CSF2RA: variants seen among roughly 807,000 people sequenced by gnomAD.
The protein encoded by CSF2RA is colony stimulating factor 2 receptor subunit alpha, also known as granulocyte-macrophage colony-stimulating factor receptor subunit alpha.
A neutral mutation model predicts 51.6 loss-of-function variants in CSF2RA; 42 were observed. The ratio of observed to expected loss-of-function variants is 0.81; its 90% CI spans 0.64 to 1.05. CSF2RA has a LOEUF of 1.05. Among genes scored for constraint, CSF2RA ranks in the 50% least tolerant of loss-of-function variants. The pLI, the probability that CSF2RA is intolerant of heterozygous loss-of-function variation, is 0.00. For synonymous variants in CSF2RA, 222 were observed against 193.0 expected (o/e 1.15, Z -1.24); for missense variants, 530 against 501.1 (o/e 1.06, Z -0.55).
chrX:1,316,277 G>C, the CSF2RA span, among the ~76,000 whole-genome samples: 3 of 144,358 alleles, frequency 2.1e-5, no homozygotes, highest in African/African-American at 8.1e-5. Context: ...TAGATAGATA[G>C]ATAGATAGAT....
At position 1,283,868 on chromosome X, in the gene CSF2RA, C is replaced by T. The variant is rs142326395; in HGVS notation, c.76+1089C>T. ...ACAGCTATGAGCCGCCACACCCAGC[C>T]TCTTGTTTGTTGACTTCTTAATAGC... On this transcript the variant is annotated intron_variant, in intron 3 of 12. Coordinates refer to ENST00000381529, the MANE Select transcript of CSF2RA (RefSeq NM_172245.4). Among the ~76,000 whole-genome samples the T allele has an allele frequency of 4.9e-4, 74 of 152,132 alleles. 1 individual carries two copies. The highest frequency in any genetic ancestry group is 1.8e-3 in the African/African-American group (73 of 41,530).
chrX:1,279,416 C>T (rs1414359807), intron 2 of CSF2RA, among the ~76,000 whole-genome samples: 1 of 151,896 alleles, frequency 6.6e-6, no homozygotes, highest in Non-Finnish European at 1.5e-5. Flanking sequence ...ATATCCCAAA[C>T]ATTTAGTGAC....
intron 12 of CSF2RA, chrX:1,305,965 C>T (rs1176911450): frequency 1.6e-6 from 1 of 618,694 alleles, no homozygotes; most frequent in Non-Finnish European, 2.8e-6. Context: ...GCCTGAAATC[C>T]CAGTGACTCG....
In CSF2RA at chrX:1,290,458, C is replaced by T. The variant is rs1395037247; in HGVS notation, c.595C>T (p.Arg199Ter). 1.7e-5 allele frequency: 27 copies of T among 1,613,688 alleles called. No individual in the cohort carries two copies. Among genetic ancestry groups the T allele is most frequent in the African/African-American group, 4.0e-5 (3 of 74,886 alleles). ...RNYFLVNGTS[R>*]EIGIQFFDSL... is the part of the protein sequence containing the mutation. ...TTACTTTCTGGTTAACGGAACCAGC[C>T]GAGAAATTGGCATCCAATTCTTTGA... The change falls in exon 7 of 13, where the codon CGA (arginine) becomes TGA (stop). Residue 199 changes from arginine (R) to a stop codon, truncating the protein, a stop_gained. Transcript: ENST00000381529. LOFTEE classifies it high-confidence loss of function.
At chrX:1,282,812 C>A in intron 3 of CSF2RA, 33 bp downstream of exon 3, 2 of 1,572,778 alleles carry the variant, frequency 1.3e-6, no homozygotes, top group Non-Finnish European at 1.7e-6. Context: ...ACCTTCTCCG[C>A]GGCCCCTGTT....
At chrX:1,295,029 G>C (rs2091799633) in intron 8 of CSF2RA, among the ~76,000 whole-genome samples, 1 of 149,130 alleles carries the variant, frequency 6.7e-6, no homozygotes, top group Non-Finnish European at 1.5e-5. Context: ...CAACCTCCTG[G>C]ACCCAGTGTA....
At chrX:1,269,651 TG>T (rs1569486213) in intron 1 of CSF2RA, among the ~76,000 whole-genome samples, 1 of 50,482 alleles carries the variant, frequency 2.0e-5, no homozygotes, top group Non-Finnish European at 4.7e-5. Context: ...AAAAAAGAGA[TG>T]AAAAGAGATG....
chrX:1,281,349 T>TTCCTCCTTCTCCTCC (rs1569495011), intron 2 of CSF2RA, among the ~76,000 whole-genome samples: 4 of 21,334 alleles, frequency 1.9e-4, no homozygotes, highest in Admixed American at 9.3e-4. Context: ...CCTTCTCCTC[T>TTCCTCCTTCTCCTCC]TCCTCCTTCT....
At chrX:1,311,174 G>A (rs760564697), downstream of CSF2RA, among the ~76,000 whole-genome samples, 119 of 151,818 alleles carry the variant, frequency 7.8e-4, no homozygotes, top group African/African-American at 2.5e-3. Context: ...GCTTGAACCC[G>A]GGAGGCGGAG....
At chrX:1,303,813 G>T (rs2083262887) in intron 10 of CSF2RA, 110 bp from the exon 11 acceptor site, 1 of 981,788 alleles carries the variant, frequency 1.0e-6, no homozygotes. Flanking sequence ...CCAGTTCTCA[G>T]CTTGACTGTT....
rs1197507186 is a variant in CSF2RA, at chrX:1,290,386, C to T, written c.523C>T (p.His175Tyr). 1 of 1,613,578 alleles carries T rather than the reference C, an allele frequency of 6.2e-7. No homozygotes were observed. The highest frequency in any genetic ancestry group is 2.2e-5 in the East Asian group (1 of 44,886). ...TTATTACATACAAGACTCAGGAACCCATGTGGGATGTCACCTGGATAACCT... is the reference window on the plus strand; with the variant it reads ...TTATTACATACAAGACTCAGGAACCTATGTGGGATGTCACCTGGATAACCT... Reference protein sequence around the residue: ...CPYYIQDSGTHVGCHLDNLSG... With the variant: ...CPYYIQDSGTYVGCHLDNLSG... The change falls in exon 7 of 13, where the codon CAT (histidine) becomes TAT (tyrosine). Residue 175 changes from histidine (H) to tyrosine (Y), a missense_variant. His to Tyr is a moderately conservative substitution (Grantham distance 83, BLOSUM62 2). Transcript: ENST00000381529.
At chrX:1,321,077 CAG>C in the CSF2RA span, among the ~76,000 whole-genome samples, 299 of 151,868 alleles carry the variant, frequency 2.0e-3, 1 homozygote, top group South Asian at 4.4e-3. Flanking sequence ...CTCCTGACCA[CAG>C]GTGACCCACC....
At chrX:1,282,441 G>A (rs751750619) in intron 2 of CSF2RA, 1 of 594,488 alleles carries the variant, frequency 1.7e-6, no homozygotes, top group Non-Finnish European at 3.0e-6. Context: ...AACCATGGAA[G>A]CTTGACTCTA....
chrX:1,322,698 C>G, the CSF2RA span, among the ~76,000 whole-genome samples: 3 of 151,874 alleles, frequency 2.0e-5, no homozygotes, highest in Admixed American at 6.6e-5. Flanking sequence ...CGTCCTTCCT[C>G]CAAAGCTGCC....
intron 3 of CSF2RA, among the ~76,000 whole-genome samples, chrX:1,283,389 TTCTCTTTCTTCCTTCCCTCCTTCCCTCTC>T: frequency 6.7e-6 from 1 of 149,172 alleles, no homozygotes; most frequent in East Asian, 2.0e-4. Flanking sequence ...CCTTCTTTCT[TTCTCTTTCTTCCTTCCCTCCTTCCCTCTC>T]TCTCTTTCTT....
At chrX:1,309,261 G>A (rs1340651972) in intron 12 of CSF2RA, 141 bp from the exon 13 acceptor site, 9 of 850,208 alleles carry the variant, frequency 1.1e-5, no homozygotes, top group Non-Finnish European at 1.7e-5. Flanking sequence ...GTTGCAGTGA[G>A]CTGAGATGAC....
rs1380322703 is a variant in CSF2RA, at chrX:1,287,798, G to A, written c.220-721G>A. Among the ~76,000 whole-genome samples the A allele has an allele frequency of 2.9e-4, 39 of 134,606 alleles. 3 individuals carry two copies. Among genetic ancestry groups the A allele is most frequent in the Admixed American group, 2.0e-3 (27 of 13,360 alleles). 88.3% of individuals were successfully genotyped at this position (134,606 alleles called of 152,430 possible). On this transcript the variant is annotated intron_variant, in intron 4 of 12. Coordinates refer to ENST00000381529, the MANE Select transcript of CSF2RA (RefSeq NM_172245.4). Reference sequence around the variant, plus strand: ...GTCACCCAGGCTGGAGTGCACTGGCGTGATCTCAGCTCACTGCAACCTGTG... The same window carrying A: ...GTCACCCAGGCTGGAGTGCACTGGCATGATCTCAGCTCACTGCAACCTGTG...
At chrX:1,301,020 G>A (rs1475248475) in intron 10 of CSF2RA, among the ~76,000 whole-genome samples, 3 of 151,558 alleles carry the variant, frequency 2.0e-5, no homozygotes, top group South Asian at 2.1e-4. Context: ...CAGCATTGTG[G>A]CAGGTGCCTG....
rs748308868 is a variant in CSF2RA, at chrX:1,309,583, T to C, written c.*104T>C. 1.2e-6 allele frequency: 2 copies of C among 1,613,886 alleles called. No individual in the cohort carries two copies. The highest frequency in any genetic ancestry group is 2.2e-5 in the South Asian group (2 of 91,072). ...ACCTTTATATCATTTTCTATGTTTTTATTTAAAAACATGACATTTGGGGCC... is the reference window on the plus strand; with the variant it reads ...ACCTTTATATCATTTTCTATGTTTTCATTTAAAAACATGACATTTGGGGCC... On this transcript the variant is annotated 3_prime_UTR_variant, in exon 13 of 13. Coordinates refer to ENST00000381529, the MANE Select transcript of CSF2RA (RefSeq NM_172245.4).
Sources: gnomAD v4.1 joint callset for allele counts (sites outside exome capture counted in the v4.1 genomes callset) on GRCh38, gnomAD v4.1.1 for gene constraint, MANE v1.5 for transcripts, NCBI Gene and HGNC (gene_info 2026-07-23, HGNC 2026-07-21) for gene names.